IGF2BP2: variants seen among roughly 807,000 people sequenced by gnomAD.
IGF2BP2 encodes insulin-like growth factor 2 mRNA-binding protein 2.
A neutral mutation model predicts 75.8 loss-of-function variants in IGF2BP2; 17 were observed. The ratio of observed to expected loss-of-function variants is 0.22; its 90% CI spans 0.15 to 0.34. The LOEUF is 0.34. IGF2BP2 is among the 10% of genes least tolerant of loss of function. The pLI, the probability that IGF2BP2 is intolerant of heterozygous loss-of-function variation, is 1.00. For synonymous variants in IGF2BP2, 288 were observed against 295.6 expected, an observed-to-expected ratio of 0.97 and a Z score of 0.26; for missense variants, 516 against 772.4, an observed-to-expected ratio of 0.67 and a Z score of 3.93.
At chr3:185,779,578 C>T (rs772668628) in intron 2 of IGF2BP2, among the ~76,000 whole-genome samples, 2 of 152,138 alleles carry the variant, frequency 1.3e-5, no homozygotes, top group Non-Finnish European at 2.9e-5. Context: ...TCTTGCTATT[C>T]CAAGTGTGGT....
chr3:185,730,209 T>A (rs1727957030), intron 2 of IGF2BP2, among the ~76,000 whole-genome samples: 2 of 152,124 alleles, frequency 1.3e-5, no homozygotes, highest in South Asian at 4.1e-4. Context: ...CCACTATGAG[T>A]GAGAACATGC....
intron 2 of IGF2BP2, among the ~76,000 whole-genome samples, chr3:185,783,892 C>T (rs184047123): frequency 2.6e-5 from 4 of 152,034 alleles, no homozygotes; most frequent in Admixed American, 6.5e-5. Flanking sequence ...TACATACATA[C>T]GAAAAATATA....
At chr3:185,731,914 A>G (rs1448107806) in intron 2 of IGF2BP2, among the ~76,000 whole-genome samples, 2 of 151,936 alleles carry the variant, frequency 1.3e-5, no homozygotes, top group Non-Finnish European at 2.9e-5. Context: ...TCCGGGAGGC[A>G]GAGTTTGCAG....
intron 2 of IGF2BP2, among the ~76,000 whole-genome samples, chr3:185,789,727 ATTTTTTTTTTTTT>A (rs10602691): frequency 3.6e-5 from 4 of 111,596 alleles, no homozygotes; most frequent in Admixed American, 1.0e-4. Flanking sequence ...ACAACCAGGA[ATTTTTTTTTTTTT>A]TTTTTTTTTT....
At chr3:185,660,170 CA>C (rs767263633) in intron 10 of IGF2BP2, among the ~76,000 whole-genome samples, 26 of 152,322 alleles carry the variant, frequency 1.7e-4, no homozygotes, top group Non-Finnish European at 1.9e-4. Context: ...AAGGCTGGGT[CA>C]ACACTGACAT....
At chr3:185,727,081 G>A (rs1727437870) in intron 2 of IGF2BP2, among the ~76,000 whole-genome samples, 1 of 152,080 alleles carries the variant, frequency 6.6e-6, no homozygotes, top group Non-Finnish European at 1.5e-5. Context: ...AGCTGGGTGT[G>A]GTGGCAGGCA....
intron 2 of IGF2BP2, among the ~76,000 whole-genome samples, chr3:185,739,741 T>A (rs1729295882): frequency 6.6e-6 from 1 of 152,212 alleles, no homozygotes; most frequent in African/African-American, 2.4e-5. Context: ...TCTGCCACCG[T>A]GCTTAAGACT....
At chr3:185,775,453 C>A (rs1399677933) in intron 2 of IGF2BP2, among the ~76,000 whole-genome samples, 1 of 152,210 alleles carries the variant, frequency 6.6e-6, no homozygotes, top group African/African-American at 2.4e-5. Flanking sequence ...ATCATTTAAA[C>A]AACACATCAC....
At chr3:185,735,145 T>C (rs867298222) in intron 2 of IGF2BP2, among the ~76,000 whole-genome samples, 11 of 137,824 alleles carry the variant, frequency 8.0e-5, no homozygotes, top group African/African-American at 2.5e-4. Context: ...TACATTTAAA[T>C]CCTTTTTTTT....
intron 2 of IGF2BP2, among the ~76,000 whole-genome samples, chr3:185,819,920 T>C (rs1352771257): frequency 6.6e-6 from 1 of 152,038 alleles, no homozygotes; most frequent in Non-Finnish European, 1.5e-5. Context: ...ACAATTGAGA[T>C]ACTGTTTTCT....
intron 9 of IGF2BP2, among the ~76,000 whole-genome samples, chr3:185,674,291 T>G (rs1329964092): frequency 2.6e-5 from 4 of 152,146 alleles, no homozygotes. Flanking sequence ...AGGTGGTGAG[T>G]TGATAACTGC....
At chr3:185,718,492 C>T (rs189555361) in intron 2 of IGF2BP2, among the ~76,000 whole-genome samples, 5 of 151,970 alleles carry the variant, frequency 3.3e-5, no homozygotes, top group Admixed American at 6.6e-5. Flanking sequence ...TTGAGACCAT[C>T]GTGGCTAACA....
intron 2 of IGF2BP2, among the ~76,000 whole-genome samples, chr3:185,731,266 A>G (rs1285920141): frequency 8.7e-6 from 1 of 114,938 alleles, no homozygotes; most frequent in Non-Finnish European, 1.8e-5. Flanking sequence ...TTTTTTTTTG[A>G]GATGGAGTCT....
chr3:185,675,157 C>T (rs1719134258), intron 9 of IGF2BP2, 139 bp downstream of exon 9: 2 of 766,032 alleles, frequency 2.6e-6, no homozygotes, highest in African/African-American at 3.6e-5. Flanking sequence ...TAGTTGGTTT[C>T]CTGATTATTT....
intron 2 of IGF2BP2, among the ~76,000 whole-genome samples, chr3:185,733,591 T>C (rs1728471233): frequency 6.6e-6 from 1 of 152,100 alleles, no homozygotes; most frequent in Middle Eastern, 3.2e-3. Context: ...ACCCCATGTC[T>C]ACTAAAAATA....
chr3:185,817,354 T>C (rs1409303509), intron 2 of IGF2BP2, among the ~76,000 whole-genome samples: 1 of 152,204 alleles, frequency 6.6e-6, no homozygotes, highest in African/African-American at 2.4e-5. Flanking sequence ...AGCATCCATT[T>C]TCACTGTTGT....
chr3:185,713,299 C>T (rs1354501789), intron 2 of IGF2BP2: 2 of 399,878 alleles, frequency 5.0e-6, no homozygotes, highest in South Asian at 3.7e-5. Flanking sequence ...CTTGTTATTG[C>T]GACTTTGATC....
Position 185,689,461 on chromosome 3 carries a change from G to C in IGF2BP2, c.571C>G (p.Gln191Glu). ...AGGATCCGCAGCGGGAAATCAATCT[G>C]TCTGGCCTGAGAAGTGCCCCCAGGG... ...HAPGGTSQARQIDFPLRILVP... is the reference protein window; with the variant it reads ...HAPGGTSQAREIDFPLRILVP... Residue 191 changes from glutamine to glutamate, a missense_variant, in exon 6 of 16, where the codon CAG (glutamine) becomes GAG (glutamate). This residue lies in a region of IGF2BP2 where 312 missense variants were observed against 474.5 expected (regional missense o/e 0.66). Coordinates refer to ENST00000382199, the MANE Select transcript of IGF2BP2 (RefSeq NM_006548.6). The C allele has an allele frequency of 1.2e-6, 2 of 1,613,862 alleles. No individual in the cohort carries two copies. The highest frequency in any genetic ancestry group is 2.2e-5 in the East Asian group (1 of 44,862).
At chr3:185,713,330 A>G in intron 2 of IGF2BP2, 1 of 484,412 alleles carries the variant, frequency 2.1e-6, no homozygotes, top group Non-Finnish European at 4.1e-6. Flanking sequence ...TGTAAAGCCC[A>G]TTTTCACATT....
Sources: gnomAD v4.1 joint callset for allele counts (sites outside exome capture counted in the v4.1 genomes callset) on GRCh38, gnomAD v4.1.1 for gene constraint, gnomAD v4.1.1 regional missense constraint, MANE v1.5 for transcripts, NCBI Gene and HGNC (gene_info 2026-07-23, HGNC 2026-07-21) for gene names.